Variants in DCST1 observed in about 807,000 individuals in gnomAD.
DCST1 encodes the protein DC-STAMP domain containing 1, also known as E3 ubiquitin-protein ligase DCST1.
A neutral mutation model predicts 89.1 loss-of-function variants in DCST1; 78 were observed. The observed-to-expected ratio is 0.88, with a 90% CI of 0.73 to 1.06. The LOEUF (loss-of-function observed/expected upper bound fraction) is 1.06, where lower values mean the gene tolerates loss of function less well. Ranked by LOEUF, DCST1 falls within the 50% of genes least tolerant of loss-of-function variation. The pLI is 0.00. For synonymous variants in DCST1, 364 were observed against 371.9 expected (o/e 0.98, Z 0.24); for missense variants, 900 against 928.6 (o/e 0.97, Z 0.40).
intron 4 of DCST1, among the ~76,000 whole-genome samples, chr1:155,037,004 C>T (rs1041612131): frequency 6.6e-6 from 1 of 152,104 alleles, no homozygotes; most frequent in Non-Finnish European, 1.5e-5. Context: ...TCAAGCTATC[C>T]TCCCGCCTCT....
intron 16 of DCST1, 120 bp from the exon 17 acceptor site, chr1:155,050,497 C>T: frequency 7.3e-7 from 1 of 1,378,294 alleles, no homozygotes; most frequent in Non-Finnish European, 9.6e-7. Context: ...TTTGTCCAAC[C>T]CAGCCTCCTC....
chr1:155,036,352 G>A (rs572319939), intron 4 of DCST1, among the ~76,000 whole-genome samples: 1 of 152,252 alleles, frequency 6.6e-6, no homozygotes, highest in South Asian at 2.1e-4. Context: ...TAGATTTCTG[G>A]TTGTATTTCT....
chr1:155,042,683 C>T lies in DCST1; in HGVS notation c.893-52C>T, dbSNP rs200776881. On this transcript the variant is annotated intron_variant, in intron 8 of 16. Coordinates refer to ENST00000295542, the MANE Select transcript of DCST1 (RefSeq NM_152494.4). Reference sequence around the variant, plus strand: ...CAGGAGGACAGGCAGGCCAGGCCTGCACCTGGAGGACAGGCCCGGGGAGGC... The same window carrying T: ...CAGGAGGACAGGCAGGCCAGGCCTGTACCTGGAGGACAGGCCCGGGGAGGC... 2,086 of 1,610,502 alleles carry T rather than the reference C, an allele frequency of 1.3e-3. 4 individuals carry two copies. The highest frequency in any genetic ancestry group is 1.3e-3 in the Non-Finnish European group (1,526 of 1,178,170).
At chr1:155,049,544 A>T (rs1284599949) in intron 16 of DCST1, among the ~76,000 whole-genome samples, 1 of 151,996 alleles carries the variant, frequency 6.6e-6, no homozygotes, top group East Asian at 1.9e-4. Context: ...CTTCCCGAGT[A>T]GCTGGGATTA....
chr1:155,045,588 G>A (rs1488099994), intron 10 of DCST1: 2 of 422,842 alleles, frequency 4.7e-6, no homozygotes, highest in East Asian at 9.8e-5. Context: ...TACCTCAGAT[G>A]CACACATGCA....
Position 155,039,391 on chromosome 1 carries a change from C to A in DCST1, c.263-12C>A. The A allele has an allele frequency of 6.5e-7, 1 of 1,548,236 alleles. No homozygotes were observed. The highest frequency in any genetic ancestry group is 1.2e-5 in the South Asian group (1 of 81,702). On this transcript the variant is annotated splice_polypyrimidine_tract_variant and intron_variant, in intron 4 of 16. Transcript: ENST00000295542. ...TCACTTCAGCTCACCACCTCCTGGG[C>A]TCTCCTGACAGGCTTGGGGGCCATG...
At chr1:155,046,598 C>CAATT in intron 13 of DCST1, 112 bp downstream of exon 13, 1 of 415,814 alleles carries the variant, frequency 2.4e-6, no homozygotes, top group Non-Finnish European at 3.4e-6. Context: ...GTCCTTCTGC[C>CAATT]TCTTTTTTTT....
Position 155,043,434 on chromosome 1 carries a change from A to T in DCST1, c.1097A>T (p.Gln366Leu). Residue 366 changes from glutamine to leucine, a missense_variant, in exon 10 of 17, where the codon CAG (glutamine) becomes CTG (leucine). Transcript: ENST00000295542. ...GAGGTGCGGGACTACGTGTACCGCC[A>T]GGAGGCCCGGCTGGAGTGGGCCCTG... is the stretch of plus-strand genomic sequence containing the variant. ...STEVRDYVYR[Q>L]EARLEWALGL... The T allele has an allele frequency of 1.2e-6, 2 of 1,613,528 alleles. No individual in the cohort carries two copies. The highest frequency in any genetic ancestry group is 1.7e-6 in the Non-Finnish European group (2 of 1,179,798).
chr1:155,046,508 A>G (rs1185125434), intron 13 of DCST1, 22 bp downstream of exon 13: 1 of 1,608,784 alleles, frequency 6.2e-7, no homozygotes, highest in African/African-American at 1.4e-5. Context: ...CCCCAGACAC[A>G]TTCCAGGCCC....
Position 155,041,424 on chromosome 1 carries a change from A to T in DCST1, c.559A>T (p.Thr187Ser). ...TAGCAAAGAATTGCTGAGAGCAGAG[A>T]CTCGGAACATCTCCGCCACTTTTGA... ...LSSKELLRAE[T>S]RNISATFEDL... The change falls in exon 7 of 17, where the codon ACT becomes TCT. Residue 187 changes from threonine (T) to serine (S), a missense_variant. By Grantham distance (58) the Thr-to-Ser change is moderately conservative. Transcript: ENST00000295542. 1 of 1,613,750 alleles carries T rather than the reference A, an allele frequency of 6.2e-7. No homozygotes were observed. Among genetic ancestry groups the T allele is most frequent in the Non-Finnish European group, 8.5e-7 (1 of 1,180,018 alleles).
chr1:155,034,775 C>A, intron 4 of DCST1, 48 bp downstream of exon 4: 1 of 1,600,320 alleles, frequency 6.2e-7, no homozygotes, highest in Non-Finnish European at 8.6e-7. Flanking sequence ...CTGTGGAACA[C>A]AGCGCCGTCC....
intron 10 of DCST1, 78 bp from the exon 11 acceptor site, chr1:155,045,815 C>A: frequency 1.6e-6 from 2 of 1,272,648 alleles, no homozygotes; most frequent in Non-Finnish European, 1.1e-6. Flanking sequence ...AATGACTGTG[C>A]CTCAAGGAAG....
intron 5 of DCST1, 70 bp downstream of exon 5, chr1:155,039,601 G>A: frequency 6.9e-7 from 1 of 1,457,690 alleles, no homozygotes; most frequent in Non-Finnish European, 9.1e-7. Context: ...TGGGAGCCAG[G>A]CCGGGTGAAG....
At chr1:155,036,156 T>G (rs1227267242) in intron 4 of DCST1, among the ~76,000 whole-genome samples, 2 of 152,024 alleles carry the variant, frequency 1.3e-5, no homozygotes, top group Non-Finnish European at 2.9e-5. Context: ...CTCACATCTC[T>G]TTGGTCAGAA....
Position 155,047,881 on chromosome 1 carries a change from T to C in DCST1, c.1707T>C (p.Ala569=). ...TAGTGTGTCTCTGCCTGTTACAGGC[T>C]TTTGGCTACCGACTCCGGAGGGTCA... is the stretch of plus-strand genomic sequence containing the variant. The part of the protein sequence containing the change: ...GLLVCLCLLQ[A]FGYRLRRVIA... Residue 569 remains alanine, a synonymous_variant, in exon 15 of 17, where the codon GCT becomes GCC. Transcript: ENST00000295542. 1.2e-6 allele frequency: 2 copies of C among 1,614,154 alleles called. No homozygotes were observed. The highest frequency in any genetic ancestry group is 1.7e-6 in the Non-Finnish European group (2 of 1,180,008).
chr1:155,036,278 T>G (rs138320194), intron 4 of DCST1, among the ~76,000 whole-genome samples: 22 of 152,282 alleles, frequency 1.4e-4, no homozygotes, highest in African/African-American at 5.1e-4. Flanking sequence ...AGGAGACTAC[T>G]TTTTCTCTGA....
chr1:155,043,402 G>A lies in DCST1; in HGVS notation c.1065G>A (p.Val355=), dbSNP rs1558108671. 4.3e-6 allele frequency: 7 copies of A among 1,613,998 alleles called. No homozygotes were observed. Among genetic ancestry groups the A allele is most frequent in the South Asian group, 1.1e-5 (1 of 91,076 alleles). The stretch of plus-strand genomic sequence containing the variant: ...GGCTCAACACAAGCTGGGAGCGCGT[G>A]AGCACCGAGGTGCGGGACTACGTGT... ...VLGLNTSWER[V]STEVRDYVYR... Residue 355 remains valine, a synonymous_variant, in exon 10 of 17, where the codon GTG becomes GTA. Coordinates refer to ENST00000295542, the MANE Select transcript of DCST1 (RefSeq NM_152494.4).
chr1:155,039,292 A>G, intron 4 of DCST1, 111 bp from the exon 5 acceptor site: 1 of 1,340,430 alleles, frequency 7.5e-7, no homozygotes, highest in Non-Finnish European at 9.9e-7. Context: ...GGATAAGGGC[A>G]GGATGGTGGT....
chr1:155,043,209 C>T lies in DCST1; in HGVS notation c.1015-143C>T, dbSNP rs139083991. ...AGACTGTGTCCAGGAGGGTGGTGAG[C>T]AGAAGGAAGTGACAACTCCTAGAGG... On this transcript the variant is annotated intron_variant, in intron 9 of 16. Transcript: ENST00000295542. The T allele has an allele frequency of 4.2e-6, 5 of 1,181,872 alleles. No homozygotes were observed. The East Asian group carries it at 1.2e-4, about 29-fold the overall frequency. The allele number at this position is 1,181,872 out of a possible 1,614,324, so 73.2% of individuals were successfully genotyped here.
Sources: gnomAD v4.1 joint callset for allele counts (sites outside exome capture counted in the v4.1 genomes callset) on GRCh38, gnomAD v4.1.1 for gene constraint, MANE v1.5 for transcripts, NCBI Gene and HGNC (gene_info 2026-07-23, HGNC 2026-07-21) for gene names.